SMIM7: variants seen among roughly 807,000 people sequenced by gnomAD.
The protein encoded by SMIM7 is UPF0608 protein C19orf42.
SMIM7 carries 12 observed loss-of-function variants against 13.3 expected under a neutral mutation model. That is an observed-to-expected ratio of 0.90 (90% CI 0.58 to 1.46). SMIM7 has a LOEUF of 1.46. SMIM7 is among the 40% of genes most tolerant of loss of function. SMIM7 has a pLI of 0.00. For missense variants in SMIM7, 114 were observed against 94.8 expected (o/e 1.20, Z -0.84); for synonymous variants, 36 against 35.8 (o/e 1.01, Z -0.02).
chr19:16,653,112 G>A (rs895439859), intron 4 of SMIM7, among the ~76,000 whole-genome samples: 1 of 152,214 alleles, frequency 6.6e-6, no homozygotes, highest in Non-Finnish European at 1.5e-5. Context: ...CTGGTGAGAC[G>A]TGACAGGGCC....
At chr19:16,650,449 C>G (rs1158329067) in intron 4 of SMIM7, among the ~76,000 whole-genome samples, 2 of 152,198 alleles carry the variant, frequency 1.3e-5, no homozygotes, top group African/African-American at 4.8e-5. Context: ...GTGGCTCACG[C>G]CTATAATCCC....
At chr19:16,650,715 A>AC (rs963238002) in intron 4 of SMIM7, among the ~76,000 whole-genome samples, 3 of 151,834 alleles carry the variant, frequency 2.0e-5, no homozygotes. Flanking sequence ...ACCTCAAAAA[A>AC]AAAAAAAAAA....
chr19:16,650,153 T>G (rs1390098181), intron 4 of SMIM7, among the ~76,000 whole-genome samples: 1 of 152,074 alleles, frequency 6.6e-6, no homozygotes, highest in African/African-American at 2.4e-5. Context: ...TCTCCCTAAC[T>G]TTTCCTCTTG....
chr19:16,655,210 G>C, intron 3 of SMIM7: 3 of 400,530 alleles, frequency 7.5e-6, no homozygotes, highest in South Asian at 5.2e-5. Context: ...GCAAGTGAAA[G>C]GGAAGGTGTT....
downstream of SMIM7, chr19:16,645,261 G>A (rs1438294732): frequency 3.3e-5 from 5 of 152,166 alleles, no homozygotes; most frequent in African/African-American, 1.2e-4. Context: ...CTCAATGACA[G>A]GATTCTCTTC....
In SMIM7 at chr19:16,653,272, CACTT is replaced by C. The variant is rs781699228; in HGVS notation, c.212+759_212+762del. 1.1e-3 allele frequency among the ~76,000 whole-genome samples: 169 copies of C among 152,160 alleles called. 1 individual carries two copies. Among genetic ancestry groups the C allele is most frequent in the Non-Finnish European group, 1.1e-3 (78 of 68,038 alleles). On this transcript the variant is annotated intron_variant, in intron 4 of 4. Coordinates refer to ENST00000487416, the MANE Select transcript of SMIM7 (RefSeq NM_024104.4). ...TAACCCCTTCAGATACTGGTTCCCT[CACTT>C]ACTTATTTTGAAAACAGAAAGCAGG...
chr19:16,645,966 T>G (rs1033602686), downstream of SMIM7: 3 of 152,060 alleles, frequency 2.0e-5, no homozygotes, highest in South Asian at 2.1e-4. Flanking sequence ...GCAGCCCCAC[T>G]TGCCCAATTC....
At chr19:16,633,979 A>G (rs930775127) in intron 4 of SMIM7, 1 of 152,044 alleles carries the variant, frequency 6.6e-6, no homozygotes, top group African/African-American at 2.4e-5. Context: ...TCCGGCATTC[A>G]TATGTATTGT....
At chr19:16,644,069 T>A (rs1479898215), downstream of SMIM7, 3 of 150,060 alleles carry the variant, frequency 2.0e-5, no homozygotes, top group African/African-American at 7.4e-5. Flanking sequence ...AAATGCTGCA[T>A]GGGGATGGTG....
chr19:16,635,899 A>ATATATATATATATATATAT (rs1555703285), intron 4 of SMIM7, among the ~76,000 whole-genome samples: 5 of 109,596 alleles, frequency 4.6e-5, no homozygotes, highest in African/African-American at 2.2e-4. Context: ...AAAAAAAAAA[A>ATATATATATATATATATAT]ATATATATAT....
chr19:16,637,424 G>A (rs2086367895), intron 4 of SMIM7, among the ~76,000 whole-genome samples: 1 of 152,210 alleles, frequency 6.6e-6, no homozygotes, highest in Admixed American at 6.5e-5. Context: ...AGGATCGCTT[G>A]AGCCTGGGGG....
In SMIM7 at chr19:16,646,725, G is replaced by T; in HGVS notation, c.*521C>A. On this transcript the variant is annotated 3_prime_UTR_variant, in exon 5 of 5. Transcript: ENST00000487416. ...ATTTAGTGTCTATACAGGAAGGCTG[G>T]TGTCTCTGTTACAGGTGGCCCGTTC... is the stretch of plus-strand genomic sequence containing the variant. 6.2e-6 allele frequency: 1 copy of T among 162,596 alleles called. No homozygotes were observed. Among genetic ancestry groups the T allele is most frequent in the Admixed American group, 6.0e-5 (1 of 16,708 alleles). The allele number at this position is 162,596 out of a possible 1,614,324, so 10.1% of individuals were successfully genotyped here. A position where few individuals can be genotyped will look rare whatever the true frequency, so the allele number is the denominator to read the frequency against.
chr19:16,659,324 G>T, intron 3 of SMIM7, 71 bp downstream of exon 3: 2 of 1,260,964 alleles, frequency 1.6e-6, no homozygotes, highest in Non-Finnish European at 2.3e-6. Context: ...AGAAAACGAA[G>T]GTAGGGCTTG....
intron 3 of SMIM7, chr19:16,655,187 C>A: frequency 2.7e-6 from 1 of 374,900 alleles, no homozygotes; most frequent in South Asian, 1.9e-5. Context: ...TAACTGAAAG[C>A]ATCCTAATTC....
intron 3 of SMIM7, chr19:16,655,279 G>A: frequency 2.2e-6 from 1 of 455,708 alleles, no homozygotes. Context: ...CCCCTCCGAG[G>A]GAAGGCAATT....
chr19:16,632,402 G>A (rs2086328278), intron 4 of SMIM7, among the ~76,000 whole-genome samples: 1 of 152,010 alleles, frequency 6.6e-6, no homozygotes, highest in Non-Finnish European at 1.5e-5. Context: ...GATACAGAAA[G>A]GTTCCAGTTC....
At position 16,655,455 on chromosome 19, in the gene SMIM7, C is replaced by A. The variant is rs1326499264; in HGVS notation, c.122-1330G>T. 1.3e-4 allele frequency: 57 copies of A among 452,974 alleles called. 2 individuals carry two copies. The highest frequency in any genetic ancestry group is 8.5e-4 in the South Asian group (55 of 64,394). The allele number at this position is 452,974 out of a possible 1,614,324, so 28.1% of individuals were successfully genotyped here. A position where few individuals can be genotyped will look rare whatever the true frequency, so the allele number is the denominator to read the frequency against. On this transcript the variant is annotated intron_variant, in intron 3 of 4. Transcript: ENST00000487416. The stretch of plus-strand genomic sequence containing the variant: ...CAGCACTTCAGGAGGCCGAGGCAGG[C>A]AGATTACCTGAGGTCGGGAGTTCGA...
chr19:16,659,733 G>T (rs1238338633), intron 2 of SMIM7: 2 of 670,846 alleles, frequency 3.0e-6, no homozygotes, highest in Non-Finnish European at 2.5e-6. Flanking sequence ...AAGCTCTCCA[G>T]GAAGGTGAAC....
At chr19:16,647,346 A>G (rs2086461994) in intron 4 of SMIM7, 85 bp from the exon 5 acceptor site, 3 of 1,469,108 alleles carry the variant, frequency 2.0e-6, no homozygotes, top group East Asian at 2.3e-5. Flanking sequence ...TTACATGACT[A>G]TTACCTATTA....
Sources: allele counts gnomAD v4.1 joint callset (sites outside exome capture counted in the v4.1 genomes callset), GRCh38; gene constraint gnomAD v4.1.1; transcripts MANE v1.5; gene names NCBI Gene and HGNC (gene_info 2026-07-23, HGNC 2026-07-21).